CLEC12A: variants seen among roughly 807,000 people sequenced by gnomAD.
CLEC12A encodes C-type lectin domain family 12 member A, also known as C-type lectin protein CLL-1.
Under a neutral mutation model 26.5 loss-of-function variants are expected in CLEC12A, and 22 were observed. The ratio of observed to expected loss-of-function variants is 0.83; its 90% CI spans 0.59 to 1.19. CLEC12A has a LOEUF of 1.19. Among genes scored for constraint, CLEC12A ranks in the 50% most tolerant of loss-of-function variants. The pLI, the probability that CLEC12A is intolerant of heterozygous loss-of-function variation, is 0.00. For missense variants in CLEC12A, 353 were observed against 315.6 expected, an observed-to-expected ratio of 1.12 and a Z score of -0.90; for synonymous variants, 119 against 101.9, an observed-to-expected ratio of 1.17 and a Z score of -1.01.
chr12:9,995,857 T>C (rs1283875856), downstream of CLEC12A, among the ~76,000 whole-genome samples: 2 of 152,220 alleles, frequency 1.3e-5, no homozygotes, highest in Admixed American at 6.5e-5. Flanking sequence ...TCTTGGCTGT[T>C]GCTTTAACTA....
intron 5 of CLEC12A, chr12:9,983,656 C>T (rs978702782): frequency 6.1e-5 from 35 of 576,810 alleles, no homozygotes; most frequent in African/African-American, 5.2e-4. Context: ...TGTTGAGGTG[C>T]CACCACAGCG....
At chr12:9,993,763 A>T (rs1007488427) in intron 4 of CLEC12A, among the ~76,000 whole-genome samples, 1 of 152,188 alleles carries the variant, frequency 6.6e-6, no homozygotes, top group African/African-American at 2.4e-5. Flanking sequence ...AAGATAAATC[A>T]TCTAACACAG....
the CLEC12A span, among the ~76,000 whole-genome samples, chr12:10,005,595 G>A: frequency 1.3e-5 from 2 of 152,186 alleles, no homozygotes; most frequent in Admixed American, 6.5e-5. Context: ...ATAACTTGCC[G>A]AAAGCCACAA....
intron 1 of CLEC12A, among the ~76,000 whole-genome samples, chr12:9,963,523 C>T (rs1486397143): frequency 3.3e-5 from 5 of 150,918 alleles, no homozygotes; most frequent in Non-Finnish European, 4.4e-5. Context: ...ATTCCAGTAC[C>T]GAGAGCAATA....
At chr12:9,979,277 A>G (rs1009764237) in intron 2 of CLEC12A, 59 bp from the exon 3 acceptor site, 39 of 1,301,370 alleles carry the variant, frequency 3.0e-5, no homozygotes, top group African/African-American at 4.5e-5. Context: ...TCTGCAAATG[A>G]TAAAGGATGA....
chr12:9,961,948 A>G (rs1381553685), intron 1 of CLEC12A, among the ~76,000 whole-genome samples: 1 of 152,156 alleles, frequency 6.6e-6, no homozygotes, highest in Non-Finnish European at 1.5e-5. Flanking sequence ...TGCTAATAGG[A>G]AGAATAGGCA....
downstream of CLEC12A, among the ~76,000 whole-genome samples, chr12:9,986,827 A>C (rs930922810): frequency 6.6e-6 from 1 of 152,148 alleles, no homozygotes; most frequent in African/African-American, 2.4e-5. Flanking sequence ...AAATTAATTA[A>C]TTAATTTAAA....
downstream of CLEC12A, among the ~76,000 whole-genome samples, chr12:9,989,031 C>T (rs1864833098): frequency 6.6e-6 from 1 of 152,004 alleles, no homozygotes; most frequent in Non-Finnish European, 1.5e-5. Flanking sequence ...TACTATGCAG[C>T]CATAAAAAAG....
intron 1 of CLEC12A, among the ~76,000 whole-genome samples, chr12:9,960,282 AT>A: frequency 6.6e-6 from 1 of 152,254 alleles, no homozygotes; most frequent in East Asian, 1.9e-4. Context: ...AGGAATATGC[AT>A]TTTTCAGTTA....
chr12:9,998,290 C>G (rs751313864), downstream of CLEC12A: 2 of 1,613,676 alleles, frequency 1.2e-6, no homozygotes, highest in Admixed American at 1.7e-5. Flanking sequence ...ACACCAAATC[C>G]CCAGAGCCAC....
At chr12:9,954,686 T>C (rs1863714659) in intron 1 of CLEC12A, among the ~76,000 whole-genome samples, 1 of 152,242 alleles carries the variant, frequency 6.6e-6, no homozygotes, top group Non-Finnish European at 1.5e-5. Flanking sequence ...TATGTAGGTA[T>C]ATGTGTCTAG....
intron 1 of CLEC12A, among the ~76,000 whole-genome samples, chr12:9,975,055 C>T (rs1864281682): frequency 6.6e-6 from 1 of 152,198 alleles, no homozygotes; most frequent in Non-Finnish European, 1.5e-5. Flanking sequence ...CTTTCACCTT[C>T]CACCATGAGT....
chr12:9,962,526 C>T (rs570644825), intron 1 of CLEC12A, among the ~76,000 whole-genome samples: 4 of 152,010 alleles, frequency 2.6e-5, no homozygotes, highest in African/African-American at 2.4e-5. Flanking sequence ...GGGCTGAGTC[C>T]GAAAAGAGAG....
intron 1 of CLEC12A, among the ~76,000 whole-genome samples, chr12:9,973,158 T>C (rs549658037): frequency 6.6e-6 from 1 of 152,302 alleles, no homozygotes; most frequent in South Asian, 2.1e-4. Flanking sequence ...GTGTTAATTT[T>C]TCCTTAAAAA....
intron 5 of CLEC12A, chr12:9,983,776 G>T (rs1037973126): frequency 2.2e-5 from 9 of 406,672 alleles, no homozygotes; most frequent in Non-Finnish European, 4.0e-5. Flanking sequence ...GAAATAGTAA[G>T]TGTAGGAGTG....
the CLEC12A span, among the ~76,000 whole-genome samples, chr12:10,002,172 C>T: frequency 5.9e-5 from 9 of 152,038 alleles, no homozygotes; most frequent in South Asian, 2.1e-4. Context: ...TTAGCTACCG[C>T]GCCTGGCCTA....
chr12:9,992,086 A>C (rs1864907235), intron 4 of CLEC12A: 1 of 152,170 alleles, frequency 6.6e-6, no homozygotes, highest in South Asian at 2.1e-4. Flanking sequence ...TAGTTAAAAA[A>C]GGGAAGCTGT....
At chr12:9,960,506 A>C (rs1407545010) in intron 1 of CLEC12A, among the ~76,000 whole-genome samples, 5 of 152,202 alleles carry the variant, frequency 3.3e-5, no homozygotes, top group Admixed American at 3.3e-4. Flanking sequence ...CCCAGATCAT[A>C]GTGCTCCAAT....
Position 9,993,268 on chromosome 12 carries a change from C to T in CLEC12A, n.1005-1750C>T. 6.2e-7 allele frequency: 1 copy of T among 1,612,606 alleles called. No individual in the cohort carries two copies. Among genetic ancestry groups the T allele is most frequent in the South Asian group, 1.1e-5 (1 of 91,030 alleles). On this transcript the variant is annotated intron_variant and non_coding_transcript_variant, in intron 4 of 4. Coordinates refer to the CLEC12A transcript ENST00000449959. ...TAAGCACAATTCATATTTCCTTTTC[C>T]ATCTTCCAAAAACTCAAACCTGTGA...
Sources: allele counts gnomAD v4.1 joint callset (sites outside exome capture counted in the v4.1 genomes callset), GRCh38; gene constraint gnomAD v4.1.1; transcripts MANE v1.5; gene names NCBI Gene and HGNC (gene_info 2026-07-23, HGNC 2026-07-21).